The following TRAPPC9 variants were observed in gnomAD, a reference collection of about 807,000 sequenced individuals.
TRAPPC9 encodes the protein IKK2 binding protein.
A neutral mutation model predicts 124.0 loss-of-function variants in TRAPPC9; 83 were observed. The observed-to-expected ratio is 0.67, with a 90% CI of 0.56 to 0.80. TRAPPC9 has a LOEUF of 0.80. Ranked by LOEUF, TRAPPC9 falls within the 30% of genes least tolerant of loss-of-function variation. TRAPPC9 has a pLI of 0.00. For missense variants in TRAPPC9, 1,302 were observed against 1,508.3 expected (o/e 0.86, Z 2.27); for synonymous variants, 638 against 617.5 (o/e 1.03, Z -0.49).
At chr8:139,973,869 G>C (rs1836264691) in intron 19 of TRAPPC9, among the ~76,000 whole-genome samples, 2 of 152,126 alleles carry the variant, frequency 1.3e-5, no homozygotes, top group Admixed American at 1.3e-4. Context: ...GGCCCGTCAA[G>C]CTACTGCCAT....
chr8:139,819,191 G>A (rs750940632), intron 21 of TRAPPC9, among the ~76,000 whole-genome samples: 2 of 152,116 alleles, frequency 1.3e-5, no homozygotes, highest in African/African-American at 2.4e-5. Context: ...TCTAGGCTGC[G>A]TGCTCCTTAT....
At chr8:139,864,735 CAGGGTCATTGTCCTGATCCT>C (rs1225028445) in intron 21 of TRAPPC9, among the ~76,000 whole-genome samples, 1 of 152,212 alleles carries the variant, frequency 6.6e-6, no homozygotes, top group Non-Finnish European at 1.5e-5. Flanking sequence ...CCGCCCTTCC[CAGGGTCATTGTCCTGATCCT>C]AGAGGTGAAG....
chr8:140,100,618 T>C (rs563626847), intron 17 of TRAPPC9: 32 of 152,892 alleles, frequency 2.1e-4, no homozygotes, highest in South Asian at 6.2e-4. Flanking sequence ...CTGGGCACCA[T>C]TGGGGCCTCC....
intron 18 of TRAPPC9, among the ~76,000 whole-genome samples, chr8:140,011,564 T>C (rs1839127269): frequency 7.3e-6 from 1 of 137,736 alleles, no homozygotes; most frequent in African/African-American, 2.8e-5. Context: ...AGTGCAGTGG[T>C]ACAATCTCGG....
In TRAPPC9 at chr8:140,293,694, A is replaced by C. The variant is rs1417345318; in HGVS notation, c.1769-2616T>G. Among the ~76,000 whole-genome samples, 3 of 151,500 alleles carry C rather than the reference A, an allele frequency of 2.0e-5. 1 individual carries two copies. Among genetic ancestry groups the C allele is most frequent in the Non-Finnish European group, 2.9e-5 (2 of 68,016 alleles). ...AACACATGGACACAGGAAGGGGAAC[A>C]TCACACTCTGGGGACTATTGTGGGG... is the stretch of plus-strand genomic sequence containing the variant. On this transcript the variant is annotated intron_variant, in intron 11 of 22. Transcript: ENST00000438773.
At chr8:140,357,629 G>A (rs2067791635) in intron 9 of TRAPPC9, among the ~76,000 whole-genome samples, 1 of 152,120 alleles carries the variant, frequency 6.6e-6, no homozygotes, top group Non-Finnish European at 1.5e-5. Flanking sequence ...AGGGGCTGGG[G>A]AGAGCAAACA....
At chr8:139,757,713 T>A (rs1563791146) in intron 21 of TRAPPC9, among the ~76,000 whole-genome samples, 1 of 152,056 alleles carries the variant, frequency 6.6e-6, no homozygotes, top group African/African-American at 2.4e-5. Flanking sequence ...GCCAGGCCTG[T>A]CTCATTCTTG....
intron 19 of TRAPPC9, chr8:139,914,012 C>A (rs1289048489): frequency 6.6e-6 from 1 of 152,326 alleles, no homozygotes; most frequent in Non-Finnish European, 1.5e-5. Flanking sequence ...TTCACCCCTG[C>A]CGGAAGACAC....
intron 16 of TRAPPC9, among the ~76,000 whole-genome samples, chr8:140,237,336 G>A (rs765735835): frequency 1.1e-4 from 17 of 151,388 alleles, no homozygotes; most frequent in Non-Finnish European, 2.1e-4. Flanking sequence ...GCAGCAACTA[G>A]GTCTGCCTGG....
intron 19 of TRAPPC9, among the ~76,000 whole-genome samples, chr8:139,968,583 C>A (rs1835862535): frequency 6.6e-6 from 1 of 152,236 alleles, no homozygotes; most frequent in African/African-American, 2.4e-5. Flanking sequence ...GTTGTCTACT[C>A]CGGACAAGGC....
Position 139,962,902 on chromosome 8 carries a change from C to T in TRAPPC9, c.2810+25824G>A, listed in dbSNP as rs1360971748. Among the ~76,000 whole-genome samples, 8 of 62,854 alleles carry T rather than the reference C, an allele frequency of 1.3e-4. 3 individuals are homozygous for T. The East Asian group carries it at 3.3e-3, about 26-fold the overall frequency. 41.2% of individuals were successfully genotyped at this position (62,854 alleles called of 152,430 possible). On this transcript the variant is annotated intron_variant, in intron 19 of 22. Transcript: ENST00000438773. Reference sequence around the variant, plus strand: ...CATGAGCCAAGGAGTGCAGGGGCCTCAGGAAGCCGGAGGAGCAAGGGAACA... The same window carrying T: ...CATGAGCCAAGGAGTGCAGGGGCCTTAGGAAGCCGGAGGAGCAAGGGAACA...
At chr8:140,385,977 G>A (rs993797240) in intron 7 of TRAPPC9, among the ~76,000 whole-genome samples, 4 of 152,204 alleles carry the variant, frequency 2.6e-5, no homozygotes, top group African/African-American at 9.6e-5. Context: ...CCATGATCAA[G>A]TGGGCTTCAT....
chr8:139,734,026 C>G (rs2926787), intron 21 of TRAPPC9, among the ~76,000 whole-genome samples: 19,722 of 152,300 alleles, frequency 0.13, 1,389 homozygotes, highest in South Asian at 0.23. Context: ...CCCCAAGCCA[C>G]TCTTTCGACC....
chr8:140,378,205 T>C (rs1283797326), intron 7 of TRAPPC9, among the ~76,000 whole-genome samples: 1 of 152,170 alleles, frequency 6.6e-6, no homozygotes, highest in Non-Finnish European at 1.5e-5. Flanking sequence ...TGTTTCCTTC[T>C]GTAATGCTTA....
At chr8:140,184,171 C>T (rs1437484451) in intron 17 of TRAPPC9, among the ~76,000 whole-genome samples, 7 of 152,100 alleles carry the variant, frequency 4.6e-5, no homozygotes, top group East Asian at 1.9e-4. Context: ...CAGACATATC[C>T]GTGAGGCCCA....
intron 17 of TRAPPC9, among the ~76,000 whole-genome samples, chr8:140,061,155 C>T (rs1201158254): frequency 6.6e-6 from 1 of 152,160 alleles, no homozygotes; most frequent in Non-Finnish European, 1.5e-5. Flanking sequence ...ACTGGGGAGC[C>T]ATTGGAAGAT....
chr8:140,434,324 C>G (rs751228427), intron 4 of TRAPPC9, among the ~76,000 whole-genome samples: 5 of 152,178 alleles, frequency 3.3e-5, no homozygotes, highest in Non-Finnish European at 5.9e-5. Flanking sequence ...TCATCAAGGA[C>G]CAAAACGTTC....
chr8:140,379,789 G>A (rs142626015), intron 7 of TRAPPC9, among the ~76,000 whole-genome samples: 22 of 152,248 alleles, frequency 1.4e-4, no homozygotes, highest in Admixed American at 3.3e-4. Context: ...TGAAATTACC[G>A]ATTCCTACAA....
chr8:140,318,953 G>A (rs1467845876), intron 9 of TRAPPC9, among the ~76,000 whole-genome samples: 1 of 152,148 alleles, frequency 6.6e-6, no homozygotes, highest in African/African-American at 2.4e-5. Flanking sequence ...AAGGACACAA[G>A]GCCGTGGTGG....
Sources: allele counts gnomAD v4.1 joint callset (sites outside exome capture counted in the v4.1 genomes callset), GRCh38; gene constraint gnomAD v4.1.1; transcripts MANE v1.5; gene names NCBI Gene and HGNC (gene_info 2026-07-23, HGNC 2026-07-21).